Variants in XPO4 observed in about 807,000 individuals in gnomAD.
The protein encoded by XPO4 is exportin 4.
A neutral mutation model predicts 143.0 loss-of-function variants in XPO4; 39 were observed. That is an observed-to-expected ratio of 0.27 (90% confidence interval 0.21 to 0.36). The LOEUF (loss-of-function observed/expected upper bound fraction) is 0.36, where lower values mean the gene tolerates loss of function less well. XPO4 is among the 10% of genes least tolerant of loss of function. The pLI, the probability that XPO4 is intolerant of heterozygous loss-of-function variation, is 1.00. For missense variants in XPO4, 907 were observed against 1,348.0 expected, an observed-to-expected ratio of 0.67 and a Z score of 5.12; for synonymous variants, 439 against 474.0, an observed-to-expected ratio of 0.93 and a Z score of 0.96.
At position 20,799,237 on chromosome 13, in the gene XPO4, T is replaced by G; in HGVS notation, c.2250A>C (p.Thr750=). Residue 750 remains threonine, a synonymous_variant, in exon 16 of 23, where the codon ACA becomes ACC. Coordinates refer to ENST00000255305, the MANE Select transcript of XPO4 (RefSeq NM_022459.5). ...CTCCTAAGACTAGAGCCTTCATCAA[T>G]GTCCTCTGCACAGGACTTGACAAGA... ...LNFLSSPVQR[T]LMKALVLGGF... 1 of 1,613,922 alleles carries G rather than the reference T, an allele frequency of 6.2e-7. No homozygotes were observed. Among genetic ancestry groups the G allele is most frequent in the South Asian group, 1.1e-5 (1 of 91,058 alleles).
chr13:20,799,067 G>A (rs2059398020), intron 16 of XPO4, 98 bp downstream of exon 16: 5 of 1,057,442 alleles, frequency 4.7e-6, no homozygotes, highest in Non-Finnish European at 6.6e-6. Context: ...AGCTATGACT[G>A]ATACATTTAT....
intron 2 of XPO4, chr13:20,865,656 A>G: frequency 1.1e-6 from 1 of 912,122 alleles, no homozygotes; most frequent in Non-Finnish European, 1.3e-6. Flanking sequence ...ATAATACAGG[A>G]AAAGCACTAC....
chr13:20,845,958 T>A (rs1349818244), intron 4 of XPO4, among the ~76,000 whole-genome samples: 2 of 152,108 alleles, frequency 1.3e-5, no homozygotes, highest in Non-Finnish European at 2.9e-5. Context: ...TATAAACACA[T>A]CTAAATGTTT....
chr13:20,801,090 T>C, intron 13 of XPO4, 100 bp from the exon 14 acceptor site: 1 of 1,338,906 alleles, frequency 7.5e-7, no homozygotes, highest in South Asian at 1.3e-5. Flanking sequence ...TTCAGTTCTC[T>C]GGATTTAGGT....
At chr13:20,867,820 G>C (rs1418339347) in intron 2 of XPO4, among the ~76,000 whole-genome samples, 1 of 152,064 alleles carries the variant, frequency 6.6e-6, no homozygotes, top group East Asian at 1.9e-4. Flanking sequence ...GACTCAAGTA[G>C]CCTACTAGAG....
chr13:20,784,017 C>CA (rs2059170708), intron 22 of XPO4, 98 bp from the exon 23 acceptor site: 1 of 1,197,506 alleles, frequency 8.4e-7, no homozygotes, highest in Non-Finnish European at 1.2e-6. Context: ...AAGGCAGGGA[C>CA]ACATTTTTAA....
chr13:20,867,297 G>C (rs1393329344), intron 2 of XPO4, among the ~76,000 whole-genome samples: 1 of 152,172 alleles, frequency 6.6e-6, no homozygotes, highest in Non-Finnish European at 1.5e-5. Context: ...AAATGAGACA[G>C]AGCCACCTTC....
intron 3 of XPO4, chr13:20,859,842 A>G (rs1314896412): frequency 1.0e-6 from 1 of 978,806 alleles, no homozygotes. Context: ...TATTTTGGAT[A>G]ATATAAGAGC....
chr13:20,787,729 C>A, intron 20 of XPO4, 131 bp from the exon 21 acceptor site: 1 of 667,790 alleles, frequency 1.5e-6, no homozygotes, highest in Non-Finnish European at 2.5e-6. Context: ...GACTCATGGG[C>A]AATATCTTCA....
chr13:20,847,027 T>C (rs2060035757), intron 4 of XPO4, among the ~76,000 whole-genome samples: 1 of 152,194 alleles, frequency 6.6e-6, no homozygotes, highest in Non-Finnish European at 1.5e-5. Context: ...TTCAATAGGA[T>C]ATTTTCATCA....
chr13:20,849,838 G>A, intron 4 of XPO4: 2 of 983,074 alleles, frequency 2.0e-6, no homozygotes, highest in South Asian at 4.7e-5. Context: ...GAATGTGGTG[G>A]CTCACACCTG....
At chr13:20,872,500 A>AT (rs1317694156) in intron 1 of XPO4, among the ~76,000 whole-genome samples, 1 of 152,222 alleles carries the variant, frequency 6.6e-6, no homozygotes, top group Non-Finnish European at 1.5e-5. Context: ...GAGGCATTTA[A>AT]TAGCAACTAA....
intron 1 of XPO4, chr13:20,902,065 G>A (rs1013624629): frequency 1.1e-5 from 11 of 985,208 alleles, no homozygotes; most frequent in Non-Finnish European, 1.3e-5. Flanking sequence ...GGAGCTTTAA[G>A]GAGCTTAGCA....
chr13:20,894,915 C>T (rs550369990), intron 1 of XPO4, among the ~76,000 whole-genome samples: 1 of 150,892 alleles, frequency 6.6e-6, no homozygotes, highest in East Asian at 2.0e-4. Flanking sequence ...TGGTATCTCA[C>T]GCCTGTAATC....
In XPO4 at chr13:20,868,615, T is replaced by G. The variant is rs2060264954; in HGVS notation, c.156A>C (p.Ala52=). The G allele has an allele frequency of 6.2e-7, 1 of 1,612,822 alleles. No homozygotes were observed. Among genetic ancestry groups the G allele is most frequent in the East Asian group, 2.2e-5 (1 of 44,786 alleles). ...ACTTACCCAAAATATGCTTGCAAAC[T>G]GCAAATGGTGATTTTGATTTCCTAA... ...LSFRKSKSPF[A]VCKHILETSK... The change falls in exon 2 of 23, where the codon GCA becomes GCC. Residue 52 remains alanine (A), a synonymous_variant. Coordinates refer to ENST00000255305, the MANE Select transcript of XPO4 (RefSeq NM_022459.5).
At chr13:20,891,122 TAA>T (rs57528913) in intron 1 of XPO4, among the ~76,000 whole-genome samples, 3,449 of 85,804 alleles carry the variant, frequency 0.04, 107 homozygotes, top group African/African-American at 0.13. Flanking sequence ...CATCTCAATT[TAA>T]AAAAAAAAAA....
chr13:20,849,558 C>T (rs2060063256), intron 4 of XPO4: 5 of 985,334 alleles, frequency 5.1e-6, no homozygotes, highest in Non-Finnish European at 6.0e-6. Flanking sequence ...GCAGGTCTGA[C>T]ACTACTGCAA....
At chr13:20,878,395 C>T (rs568588876) in intron 1 of XPO4, among the ~76,000 whole-genome samples, 1 of 151,830 alleles carries the variant, frequency 6.6e-6, no homozygotes, top group African/African-American at 2.4e-5. Flanking sequence ...CAAAGATGTT[C>T]CTACAACATT....
At chr13:20,845,758 C>T (rs989085937) in intron 4 of XPO4, among the ~76,000 whole-genome samples, 1 of 152,126 alleles carries the variant, frequency 6.6e-6, no homozygotes, top group African/African-American at 2.4e-5. Context: ...CAACTATAAA[C>T]ATGATTTTTA....
Sources: allele counts gnomAD v4.1 joint callset (sites outside exome capture counted in the v4.1 genomes callset), GRCh38; gene constraint gnomAD v4.1.1; transcripts MANE v1.5; gene names NCBI Gene and HGNC (gene_info 2026-07-23, HGNC 2026-07-21).